Variants in KANSL1L observed in about 807,000 individuals in gnomAD.
The protein encoded by KANSL1L is KAT8 regulatory NSL complex subunit 1 like.
A neutral mutation model predicts 108.6 loss-of-function variants in KANSL1L; 25 were observed. That is an observed-to-expected ratio of 0.23 (90% confidence interval 0.17 to 0.32). The LOEUF is 0.32. Ranked by LOEUF, KANSL1L falls within the 10% of genes least tolerant of loss-of-function variation. KANSL1L has a pLI of 1.00. For synonymous variants in KANSL1L, 405 were observed against 395.1 expected (o/e 1.03, Z -0.30); for missense variants, 1,137 against 1,125.7 (o/e 1.01, Z -0.14).
intron 1 of KANSL1L, among the ~76,000 whole-genome samples, chr2:210,154,900 A>G (rs568407439): frequency 3.9e-4 from 59 of 152,240 alleles, no homozygotes; most frequent in African/African-American, 1.2e-3. Flanking sequence ...TTTTTTGACA[A>G]CATTTAATTA....
chr2:210,171,502 G>C (rs982714069), upstream of KANSL1L: 1 of 154,216 alleles, frequency 6.5e-6, no homozygotes, highest in African/African-American at 2.4e-5. Context: ...ACCCCGGCAG[G>C]GGGCGGGGCC....
chr2:210,117,960 T>C (rs1376025049), intron 3 of KANSL1L, among the ~76,000 whole-genome samples: 1 of 151,682 alleles, frequency 6.6e-6, no homozygotes, highest in Non-Finnish European at 1.5e-5. Flanking sequence ...GGTTGGGAGT[T>C]TGAGACTAGC....
At chr2:210,073,205 C>T (rs2094519444) in intron 6 of KANSL1L, among the ~76,000 whole-genome samples, 1 of 152,086 alleles carries the variant, frequency 6.6e-6, no homozygotes. Flanking sequence ...CATACCTTTT[C>T]TTCCCCAGCC....
At chr2:210,051,908 T>G (rs1043899902) in intron 6 of KANSL1L, among the ~76,000 whole-genome samples, 1 of 152,098 alleles carries the variant, frequency 6.6e-6, no homozygotes, top group African/African-American at 2.4e-5. Flanking sequence ...CTCTTTGTGT[T>G]CTGGGAGATT....
chr2:210,042,926 G>A (rs2094181583), intron 7 of KANSL1L, among the ~76,000 whole-genome samples: 1 of 152,122 alleles, frequency 6.6e-6, no homozygotes, highest in African/African-American at 2.4e-5. Context: ...CCTTGATTTT[G>A]AGAATTTAAA....
At chr2:210,158,502 T>G (rs1313211961) in intron 1 of KANSL1L, among the ~76,000 whole-genome samples, 1 of 152,186 alleles carries the variant, frequency 6.6e-6, no homozygotes, top group Non-Finnish European at 1.5e-5. Flanking sequence ...CCTACATTCT[T>G]GACCCACAGC....
chr2:210,137,570 C>T (rs2095185806), intron 2 of KANSL1L, among the ~76,000 whole-genome samples: 2 of 152,100 alleles, frequency 1.3e-5, no homozygotes, highest in Non-Finnish European at 1.5e-5. Flanking sequence ...AAAAATATTT[C>T]TGACAATCTT....
At chr2:210,165,905 A>C (rs1218902401) in intron 1 of KANSL1L, among the ~76,000 whole-genome samples, 5 of 152,216 alleles carry the variant, frequency 3.3e-5, no homozygotes, top group African/African-American at 1.2e-4. Flanking sequence ...GCGAGCAAGA[A>C]GAGCACATTC....
At chr2:210,118,402 G>A (rs997436747) in intron 3 of KANSL1L, among the ~76,000 whole-genome samples, 1 of 149,430 alleles carries the variant, frequency 6.7e-6, no homozygotes, top group African/African-American at 2.5e-5. Flanking sequence ...GGGAGGTGGA[G>A]GTCGCACTGT....
rs2095296225 is a variant in KANSL1L, at chr2:210,150,640, G to A, written c.1088+2855C>T. Among the ~76,000 whole-genome samples the A allele has an allele frequency of 4.6e-5, 7 of 152,006 alleles. No individual in the cohort carries two copies. The South Asian group carries it at 1.5e-3, about 32-fold the overall frequency. ...TCTACTAAAAATACAAAATTAGCTG[G>A]GCGTGGTGGTGCACACCTGTAATCC... On this transcript the variant is annotated intron_variant, in intron 2 of 14. Transcript: ENST00000281772.
Position 210,130,370 on chromosome 2 carries a change from G to T in KANSL1L, c.1089-1198C>A, listed in dbSNP as rs566920025. Among the ~76,000 whole-genome samples, 9 of 152,200 alleles carry T rather than the reference G, an allele frequency of 5.9e-5. No homozygotes were observed. The East Asian group carries it at 1.5e-3, about 26-fold the overall frequency. On this transcript the variant is annotated intron_variant, in intron 2 of 14. Transcript: ENST00000281772. ...TTTTTAAAATGCACTGGACCATAAT[G>T]GAATATCTTTCAAATAATCTTTAAA...
At chr2:210,151,393 A>T (rs963415572) in intron 2 of KANSL1L, 3 of 152,224 alleles carry the variant, frequency 2.0e-5, no homozygotes, top group Non-Finnish European at 4.4e-5. Flanking sequence ...ACAACAAAAA[A>T]ATTTACTGAA....
At chr2:210,030,016 T>G in intron 9 of KANSL1L, 98 bp from the exon 10 acceptor site, 1 of 552,980 alleles carries the variant, frequency 1.8e-6, no homozygotes, top group Non-Finnish European at 3.1e-6. Context: ...ATTCCTTGTT[T>G]TGTGTGTGTG....
intron 3 of KANSL1L, among the ~76,000 whole-genome samples, chr2:210,116,263 A>G (rs1435368458): frequency 6.6e-6 from 1 of 152,192 alleles, no homozygotes; most frequent in Non-Finnish European, 1.5e-5. Context: ...CAGCTGCAGT[A>G]GAACACAGCA....
At chr2:210,121,693 T>A (rs993368353) in intron 3 of KANSL1L, among the ~76,000 whole-genome samples, 1 of 151,998 alleles carries the variant, frequency 6.6e-6, no homozygotes, top group Non-Finnish European at 1.5e-5. Context: ...GGGGGGCAAA[T>A]TTTTTAAAAA....
intron 2 of KANSL1L, among the ~76,000 whole-genome samples, chr2:210,151,116 A>C (rs2095300470): frequency 6.6e-6 from 1 of 152,034 alleles, no homozygotes. Context: ...CCTGGGTTCA[A>C]GCAATTCTCC....
intron 2 of KANSL1L, among the ~76,000 whole-genome samples, chr2:210,146,216 A>T (rs928004369): frequency 1.3e-5 from 2 of 152,094 alleles, no homozygotes; most frequent in African/African-American, 4.8e-5. Flanking sequence ...CTTTCTGTGC[A>T]GTTATCCTCT....
chr2:210,021,785 G>T lies in KANSL1L; in HGVS notation c.*1164C>A, dbSNP rs1399069172. 1 of 151,782 alleles carries T rather than the reference G, an allele frequency of 6.6e-6. No homozygotes were observed. The highest frequency in any genetic ancestry group is 6.6e-5 in the Admixed American group (1 of 15,204). 9.4% of individuals were successfully genotyped at this position (151,782 alleles called of 1,614,324 possible). On this transcript the variant is annotated 3_prime_UTR_variant, in exon 15 of 15. Transcript: ENST00000281772. ...TCAACTTTCACATAGGAAAAAAATG[G>T]TTTAATAGCTTCAAAAGGAATTTTC... is the stretch of plus-strand genomic sequence containing the variant.
rs955927938 is a variant in KANSL1L at position 210,028,592 on chromosome 2, A to G, written c.2396+253T>C. On this transcript the variant is annotated intron_variant, in intron 11 of 14. Coordinates refer to ENST00000281772, the MANE Select transcript of KANSL1L (RefSeq NM_152519.4). ...ATATACATAGTAGATAACACTGGAT[A>G]ATAATAATAAAAAAGACTAAGAATG... The G allele has an allele frequency of 1.3e-5, 4 of 313,914 alleles. No homozygotes were observed. In the Admixed American group the frequency reaches 1.5e-4, roughly 12 times the overall value. 19.4% of individuals were successfully genotyped at this position (313,914 alleles called of 1,614,324 possible).
Sources: gnomAD v4.1 joint callset for allele counts (sites outside exome capture counted in the v4.1 genomes callset) on GRCh38, gnomAD v4.1.1 for gene constraint, MANE v1.5 for transcripts, NCBI Gene and HGNC (gene_info 2026-07-23, HGNC 2026-07-21) for gene names.